The following TOGARAM1 variants were observed in gnomAD, a reference collection of about 807,000 sequenced individuals.
TOGARAM1 encodes TOG array regulator of axonemal microtubules 1, also known as TOG array regulator of axonemal microtubules protein 1.
TOGARAM1 carries 100 observed loss-of-function variants against 166.6 expected under a neutral mutation model. That is an observed-to-expected ratio of 0.60 (90% CI 0.51 to 0.71). The LOEUF (loss-of-function observed/expected upper bound fraction) is 0.71, where lower values mean the gene tolerates loss of function less well. TOGARAM1 is among the 30% of genes least tolerant of loss of function. The pLI is 0.00. For missense variants in TOGARAM1, 2,029 were observed against 2,102.7 expected (o/e 0.96, Z 0.69); for synonymous variants, 758 against 763.8 (o/e 0.99, Z 0.13).
chr14:44,969,435 A>T (rs751688504), intron 1 of TOGARAM1, among the ~76,000 whole-genome samples: 3 of 152,090 alleles, frequency 2.0e-5, no homozygotes, highest in Non-Finnish European at 2.9e-5. Flanking sequence ...TACAGGTGCA[A>T]GCTACCACGC....
intron 16 of TOGARAM1, among the ~76,000 whole-genome samples, chr14:45,058,722 G>T (rs1335454998): frequency 6.6e-6 from 1 of 152,112 alleles, no homozygotes; most frequent in Non-Finnish European, 1.5e-5. Context: ...TTTAAGTAGA[G>T]CATTTAACCC....
rs537764943 is a variant in TOGARAM1, at chr14:45,053,442, C to A, written c.4440+880C>A. Reference sequence around the variant, plus strand: ...AGTGAAATAAAATATGAAAAGTAATCTATTTACATATTAATTTAAAAATAT... The same window carrying A: ...AGTGAAATAAAATATGAAAAGTAATATATTTACATATTAATTTAAAAATAT... On this transcript the variant is annotated intron_variant, in intron 15 of 19. Transcript: ENST00000361462. 1.5e-4 allele frequency among the ~76,000 whole-genome samples: 23 copies of A among 151,566 alleles called. 3 individuals carry two copies. The highest frequency in any genetic ancestry group is 4.9e-4 in the African/African-American group (20 of 40,936).
intron 1 of TOGARAM1, among the ~76,000 whole-genome samples, chr14:44,988,707 A>G (rs1410585859): frequency 6.6e-6 from 1 of 152,208 alleles, no homozygotes; most frequent in Non-Finnish European, 1.5e-5. Context: ...ATTTCTAACA[A>G]CTGAAGTAGA....
At chr14:45,045,584 TGTGTG>T (rs1881987725) in intron 13 of TOGARAM1, among the ~76,000 whole-genome samples, 2 of 23,182 alleles carry the variant, frequency 8.6e-5, no homozygotes, top group Non-Finnish European at 1.2e-4. Flanking sequence ...TATATATATA[TGTGTG>T]TGTGTGTGTG....
chr14:44,974,639 G>A (rs533386297), intron 1 of TOGARAM1, among the ~76,000 whole-genome samples: 1 of 152,224 alleles, frequency 6.6e-6, no homozygotes, highest in Admixed American at 6.5e-5. Context: ...GTTAAGGTGT[G>A]GGAGGTGGGG....
chr14:45,009,152 T>C lies in TOGARAM1; in HGVS notation c.3137+7T>C. 1 of 1,594,300 alleles carries C rather than the reference T, an allele frequency of 6.3e-7. No homozygotes were observed. Among genetic ancestry groups the C allele is most frequent in the South Asian group, 1.1e-5 (1 of 89,760 alleles). Reference sequence around the variant, plus strand: ...CCCAGGGGAAGAGAATAATGTATTTTATTTTTTGACGTGATAAATGAATGT... The same window carrying C: ...CCCAGGGGAAGAGAATAATGTATTTCATTTTTTGACGTGATAAATGAATGT... On this transcript the variant is annotated splice_region_variant and intron_variant, in intron 6 of 19. Coordinates refer to ENST00000361462, the MANE Select transcript of TOGARAM1 (RefSeq NM_001308120.2).
At chr14:44,970,557 T>A (rs550235717) in intron 1 of TOGARAM1, among the ~76,000 whole-genome samples, 3 of 152,148 alleles carry the variant, frequency 2.0e-5, no homozygotes, top group Non-Finnish European at 4.4e-5. Flanking sequence ...ATTGCATTAG[T>A]TTGAACTTCC....
intron 13 of TOGARAM1, among the ~76,000 whole-genome samples, chr14:45,045,575 ATATATATATG>A (rs1881976264): frequency 1.3e-3 from 54 of 41,498 alleles, no homozygotes; most frequent in South Asian, 1.9e-3. Context: ...ATATATATAT[ATATATATATG>A]TGTGTGTGTG....
chr14:45,063,022 T>C (rs1882966705), intron 16 of TOGARAM1, among the ~76,000 whole-genome samples: 1 of 152,186 alleles, frequency 6.6e-6, no homozygotes, highest in African/African-American at 2.4e-5. Context: ...TCTATGGATT[T>C]GTTTATTCTG....
In TOGARAM1 at chr14:44,964,484, T is replaced by C. The variant is rs1175978089; in HGVS notation, c.2046+17T>C. ...ATAGAGCAGGTATGCTTCTCTAATTTTCTTGAGTCGAAAGTGTGAAGAATT... is the reference window on the plus strand; with the variant it reads ...ATAGAGCAGGTATGCTTCTCTAATTCTCTTGAGTCGAAAGTGTGAAGAATT... On this transcript the variant is annotated intron_variant, in intron 1 of 19. Coordinates refer to ENST00000361462, the MANE Select transcript of TOGARAM1 (RefSeq NM_001308120.2). 1 of 1,521,262 alleles carries C rather than the reference T, an allele frequency of 6.6e-7. No homozygotes were observed. The highest frequency in any genetic ancestry group is 1.4e-5 in the African/African-American group (1 of 71,924). 94.2% of individuals were successfully genotyped at this position (1,521,262 alleles called of 1,614,324 possible). A position where few individuals can be genotyped will look rare whatever the true frequency, so the allele number is the denominator to read the frequency against.
chr14:45,001,148 A>G (rs1887675295), intron 3 of TOGARAM1, among the ~76,000 whole-genome samples: 1 of 152,002 alleles, frequency 6.6e-6, no homozygotes, highest in African/African-American at 2.4e-5. Context: ...ACCATTTGTT[A>G]TTTTTTGTCT....
chr14:45,040,260 T>C (rs1322264094), intron 11 of TOGARAM1, among the ~76,000 whole-genome samples: 4 of 152,180 alleles, frequency 2.6e-5, no homozygotes, highest in Non-Finnish European at 5.9e-5. Context: ...TATTTTGAAT[T>C]TGATGAAATA....
intron 3 of TOGARAM1, 44 bp downstream of exon 3, chr14:44,999,541 T>C (rs1887598835): frequency 1.0e-5 from 15 of 1,501,350 alleles, no homozygotes; most frequent in Non-Finnish European, 1.4e-5. Flanking sequence ...CTTATAAATA[T>C]TATGTGGGGA....
chr14:45,053,158 C>G (rs1478512816), intron 15 of TOGARAM1, among the ~76,000 whole-genome samples: 3 of 151,788 alleles, frequency 2.0e-5, no homozygotes, highest in African/African-American at 7.3e-5. Flanking sequence ...CCTGCCTCAG[C>G]CTCTCGAGTA....
chr14:45,047,460 A>G (rs1730245223), intron 14 of TOGARAM1, among the ~76,000 whole-genome samples: 1 of 152,124 alleles, frequency 6.6e-6, no homozygotes, highest in Admixed American at 6.6e-5. Context: ...AAAACATGAG[A>G]TATCTGCAGT....
intron 1 of TOGARAM1, among the ~76,000 whole-genome samples, chr14:44,993,920 A>G (rs543118132): frequency 6.6e-6 from 1 of 152,332 alleles, no homozygotes; most frequent in East Asian, 1.9e-4. Context: ...ATACTGTAGA[A>G]TTATTTCTGG....
chr14:44,975,905 A>G (rs954912536), intron 1 of TOGARAM1, among the ~76,000 whole-genome samples: 4 of 151,380 alleles, frequency 2.6e-5, no homozygotes, highest in African/African-American at 9.7e-5. Flanking sequence ...ATATTTTGGT[A>G]GTATTGAGAG....
intron 14 of TOGARAM1, among the ~76,000 whole-genome samples, chr14:45,047,465 T>C (rs972117436): frequency 6.6e-6 from 1 of 151,808 alleles, no homozygotes; most frequent in Admixed American, 6.6e-5. Context: ...ATGAGATATC[T>C]GCAGTGTGAA....
chr14:44,969,429 G>C (rs1175811985), intron 1 of TOGARAM1, among the ~76,000 whole-genome samples: 2 of 152,116 alleles, frequency 1.3e-5, no homozygotes, highest in Non-Finnish European at 2.9e-5. Flanking sequence ...TGGGATTACA[G>C]GTGCAAGCTA....
Sources: allele counts gnomAD v4.1 joint callset (sites outside exome capture counted in the v4.1 genomes callset), GRCh38; gene constraint gnomAD v4.1.1; transcripts MANE v1.5; gene names NCBI Gene and HGNC (gene_info 2026-07-23, HGNC 2026-07-21).